Variants in KIF13B observed in about 807,000 individuals in gnomAD.
KIF13B encodes the protein kinesin family member 13B.
KIF13B carries 127 observed loss-of-function variants against 222.0 expected under a neutral mutation model. That is an observed-to-expected ratio of 0.57 (90% CI 0.50 to 0.66). KIF13B has a LOEUF of 0.66. Ranked by LOEUF, KIF13B falls within the 30% of genes least tolerant of loss-of-function variation. The pLI is 0.00. For missense variants in KIF13B, 2,173 were observed against 2,379.0 expected (o/e 0.91, Z 1.80); for synonymous variants, 976 against 919.0 (o/e 1.06, Z -1.12).
In KIF13B at chr8:29,070,165, TAGAA is replaced by T. The variant is rs746537561; in HGVS notation, c.*335_*338del. 211 of 349,466 alleles carry T rather than the reference TAGAA, an allele frequency of 6.0e-4. No homozygotes were observed. Among genetic ancestry groups the T allele is most frequent in the Non-Finnish European group, 8.9e-4 (169 of 190,656 alleles). The allele number at this position is 349,466 out of a possible 1,614,324, so 21.6% of individuals were successfully genotyped here. A position where few individuals can be genotyped will look rare whatever the true frequency, so the allele number is the denominator to read the frequency against. On this transcript the variant is annotated 3_prime_UTR_variant, in exon 40 of 40. Transcript: ENST00000524189. The surrounding 1 kb of genome is among the most constrained non-coding windows in gnomAD (Gnocchi z 4.1). ...AGTGGGGCCACCAGAATGGAAATGA[TAGAA>T]AGAGCAACATAAGGCCCCAGGCACA...
intron 6 of KIF13B, among the ~76,000 whole-genome samples, chr8:29,183,145 A>G (rs1563767287): frequency 1.3e-5 from 2 of 150,958 alleles, no homozygotes; most frequent in East Asian, 1.9e-4. Flanking sequence ...AAAATAAGTA[A>G]TAAATTATAA....
chr8:29,131,020 C>T (rs2129825979), intron 23 of KIF13B, among the ~76,000 whole-genome samples: 1 of 152,284 alleles, frequency 6.6e-6, no homozygotes, highest in Middle Eastern at 3.4e-3. Flanking sequence ...TCCCTTGCAG[C>T]AACTTGGATA....
At chr8:29,227,306 T>C (rs1815069049) in intron 2 of KIF13B, among the ~76,000 whole-genome samples, 1 of 152,046 alleles carries the variant, frequency 6.6e-6, no homozygotes, top group Admixed American at 6.5e-5. Flanking sequence ...TTTTATTTTT[T>C]GAGATGGAGT....
intron 2 of KIF13B, among the ~76,000 whole-genome samples, chr8:29,226,817 T>C (rs549601967): frequency 6.6e-6 from 1 of 152,352 alleles, no homozygotes; most frequent in East Asian, 1.9e-4. Context: ...AGCAAATAGC[T>C]TCTGTTTAAG....
intron 2 of KIF13B, among the ~76,000 whole-genome samples, chr8:29,232,128 A>G (rs930618572): frequency 6.6e-6 from 1 of 151,982 alleles, no homozygotes; most frequent in Non-Finnish European, 1.5e-5. Flanking sequence ...ATGGTGGTGC[A>G]CACCTGTAGT....
At chr8:29,079,473 A>T (rs1222485404) in intron 37 of KIF13B, among the ~76,000 whole-genome samples, 3 of 152,210 alleles carry the variant, frequency 2.0e-5, no homozygotes, top group Non-Finnish European at 2.9e-5. Context: ...TCATCCCTGT[A>T]TTTCCTTACA....
At position 29,232,894 on chromosome 8, in the gene KIF13B, C is replaced by T. The variant is rs148175355; in HGVS notation, c.149+12452G>A. On this transcript the variant is annotated intron_variant, in intron 2 of 39. Coordinates refer to ENST00000524189, the MANE Select transcript of KIF13B (RefSeq NM_015254.4). Reference sequence around the variant, plus strand: ...GCTTTCAGCTGGGGGTGGTGGCTCACGCCTGTAATCCCAGCACTTTCGGAG... The same window carrying T: ...GCTTTCAGCTGGGGGTGGTGGCTCATGCCTGTAATCCCAGCACTTTCGGAG... Among the ~76,000 whole-genome samples, 1,150 of 152,240 alleles carry T rather than the reference C, an allele frequency of 7.6e-3. 21 individuals carry two copies. The highest frequency in any genetic ancestry group is 0.027 in the African/African-American group (1,112 of 41,538).
chr8:29,121,803 T>C (rs1392096017), intron 29 of KIF13B, among the ~76,000 whole-genome samples: 1 of 151,882 alleles, frequency 6.6e-6, no homozygotes, highest in Non-Finnish European at 1.5e-5. Context: ...TCGCAGTTTT[T>C]TTTTTTTAAA....
At chr8:29,097,583 A>G (rs1808591532) in intron 36 of KIF13B, among the ~76,000 whole-genome samples, 1 of 152,194 alleles carries the variant, frequency 6.6e-6, no homozygotes, top group Non-Finnish European at 1.5e-5. Flanking sequence ...AATACAGATT[A>G]CCCCCAAAAA....
chr8:29,189,471 GCAAT>G (rs564601301), intron 4 of KIF13B: 1 of 152,108 alleles, frequency 6.6e-6, no homozygotes, highest in South Asian at 2.1e-4. Flanking sequence ...AGGAATAAAG[GCAAT>G]CAAAGGCTGT....
rs1337053152 is a variant in KIF13B at position 29,177,487 on chromosome 8, T to G, written c.812A>C (p.Lys271Thr). ...TTACTTGTTAATGTTGCTCCCTTCC[T>G]TCAGCCTGTCCCCTGCAGCGCCTGT... ...TKTGAAGDRLKEGSNINKSLT... is the reference protein window; with the variant it reads ...TKTGAAGDRLTEGSNINKSLT... Residue 271 changes from lysine to threonine, a missense_variant, in exon 9 of 40, where the codon AAG (lysine) becomes ACG (threonine). By Grantham distance (78) the Lys-to-Thr change is moderately conservative. Transcript: ENST00000524189. 6.2e-7 allele frequency: 1 copy of G among 1,612,624 alleles called. No individual in the cohort carries two copies. Among genetic ancestry groups the G allele is most frequent in the South Asian group, 1.1e-5 (1 of 91,064 alleles).
At chr8:29,202,253 G>A (rs903735943) in intron 2 of KIF13B, among the ~76,000 whole-genome samples, 1 of 152,192 alleles carries the variant, frequency 6.6e-6, no homozygotes, top group Non-Finnish European at 1.5e-5. Flanking sequence ...ACTTGTTTTA[G>A]GTCACTTCCA....
Position 29,070,766 on chromosome 8 carries a change from C to T in KIF13B, c.5219G>A (p.Gly1740Asp), listed in dbSNP as rs1041378756. The T allele has an allele frequency of 1.9e-6, 3 of 1,587,420 alleles. No homozygotes were observed. The highest frequency in any genetic ancestry group is 2.6e-6 in the Non-Finnish European group (3 of 1,167,580). The change falls in exon 40 of 40, where the codon GGT becomes GAT. Residue 1740 changes from glycine to aspartate, a missense_variant and splice_region_variant. By Grantham distance (94) the Gly-to-Asp change is moderately conservative. Around this residue, in one of 2 missense-constraint regions of KIF13B, gnomAD observed 693 missense variants for 656.2 expected, o/e 1.06. Transcript: ENST00000524189. The surrounding 1 kb of genome is among the most constrained non-coding windows in gnomAD (Gnocchi z 4.1). ...WVGVELDLPS[G>D]KNDGSIGGKQ... is the part of the protein sequence containing the mutation. ...CCCGCCGATGGAACCGTCATTCTTA[C>T]CTGCGGGGGAAGGAGAGGGTGATAT...
chr8:29,247,855 A>C (rs905850556), intron 1 of KIF13B, among the ~76,000 whole-genome samples: 4 of 150,164 alleles, frequency 2.7e-5, no homozygotes, highest in Non-Finnish European at 5.9e-5. Context: ...AAAAAAAAAA[A>C]AAGACAAATA....
intron 2 of KIF13B, among the ~76,000 whole-genome samples, chr8:29,203,801 G>A: frequency 6.7e-6 from 1 of 148,182 alleles, no homozygotes; most frequent in African/African-American, 2.5e-5. Flanking sequence ...GGCTAAGGCA[G>A]GAAAATTGCT....
intron 2 of KIF13B, among the ~76,000 whole-genome samples, chr8:29,216,953 T>G (rs1171511411): frequency 1.3e-5 from 2 of 151,774 alleles, no homozygotes; most frequent in Non-Finnish European, 2.9e-5. Flanking sequence ...TCGACGTATA[T>G]TCAGTCCAAA....
intron 1 of KIF13B, among the ~76,000 whole-genome samples, chr8:29,254,527 A>G (rs1335224316): frequency 1.3e-5 from 2 of 152,254 alleles, no homozygotes; most frequent in Non-Finnish European, 2.9e-5. Flanking sequence ...CTCAAGCTAT[A>G]CAAACGGCCA....
chr8:29,102,095 GAAA>G (rs367928025), intron 35 of KIF13B, among the ~76,000 whole-genome samples: 2 of 113,944 alleles, frequency 1.8e-5, no homozygotes, highest in African/African-American at 6.5e-5. Flanking sequence ...GATTAAAAAA[GAAA>G]AAAAAAAAAA....
At chr8:29,209,885 CAAAAAA>C (rs11414197) in intron 2 of KIF13B, among the ~76,000 whole-genome samples, 1 of 107,514 alleles carries the variant, frequency 9.3e-6, no homozygotes. Flanking sequence ...TACCTCTCCA[CAAAAAA>C]AAAAAAAAAA....
Sources: gnomAD v4.1 joint callset for allele counts (sites outside exome capture counted in the v4.1 genomes callset) on GRCh38, gnomAD v4.1.1 for gene constraint, gnomAD v4.1.1 regional missense constraint, Gnocchi (gnomAD v3.1) non-coding constraint, MANE v1.5 for transcripts, NCBI Gene and HGNC (gene_info 2026-07-23, HGNC 2026-07-21) for gene names.